The following GRIK4 variants were observed in gnomAD, a reference collection of about 807,000 sequenced individuals.
GRIK4 encodes glutamate ionotropic receptor kainate type subunit 4.
A neutral mutation model predicts 104.9 loss-of-function variants in GRIK4; 40 were observed. The ratio of observed to expected loss-of-function variants is 0.38; its 90% confidence interval spans 0.30 to 0.50. GRIK4 has a LOEUF of 0.50. Among genes scored for constraint, GRIK4 ranks in the 20% least tolerant of loss-of-function variants. The probability of loss-of-function intolerance (pLI) is 0.93; values close to 1 mark genes in which losing one functional copy is unlikely to be tolerated. For missense variants in GRIK4, 1,047 were observed against 1,308.1 expected, an observed-to-expected ratio of 0.80 and a Z score of 3.08; for synonymous variants, 485 against 524.9, an observed-to-expected ratio of 0.92 and a Z score of 1.04.
chr11:120,880,859 C>A (rs1194177363), intron 11 of GRIK4, among the ~76,000 whole-genome samples: 1 of 152,076 alleles, frequency 6.6e-6, no homozygotes, highest in Non-Finnish European at 1.5e-5. Flanking sequence ...TCTTTCATGC[C>A]TGAATTTAGC....
At chr11:120,890,754 GGTT>G (rs1339618736) in intron 11 of GRIK4, among the ~76,000 whole-genome samples, 3 of 152,282 alleles carry the variant, frequency 2.0e-5, no homozygotes, top group African/African-American at 7.2e-5. Context: ...ATAATAACAA[GGTT>G]GTTGTGCAGA....
chr11:120,648,973 C>T (rs1440035752), intron 1 of GRIK4, among the ~76,000 whole-genome samples: 2 of 152,244 alleles, frequency 1.3e-5, no homozygotes, highest in Non-Finnish European at 2.9e-5. Context: ...CCAGTTTCTC[C>T]TCCCTTGGCC....
chr11:120,900,900 G>A (rs914559844), intron 12 of GRIK4, among the ~76,000 whole-genome samples: 2 of 152,182 alleles, frequency 1.3e-5, no homozygotes, highest in African/African-American at 2.4e-5. Context: ...GCTGGGAACA[G>A]CCTGGCTGAG....
At chr11:120,636,883 G>A (rs1639502583) in intron 1 of GRIK4, among the ~76,000 whole-genome samples, 1 of 151,986 alleles carries the variant, frequency 6.6e-6, no homozygotes, top group African/African-American at 2.4e-5. Context: ...TCTGGGCTCT[G>A]GCCTCCACCT....
At chr11:120,678,656 C>T (rs1010919668) in intron 3 of GRIK4, among the ~76,000 whole-genome samples, 15 of 151,014 alleles carry the variant, frequency 9.9e-5, no homozygotes, top group Non-Finnish European at 4.4e-5. Flanking sequence ...GTTTTTGAGA[C>T]GGAGTCTTGC....
intron 3 of GRIK4, among the ~76,000 whole-genome samples, chr11:120,760,781 T>A (rs1448224211): frequency 6.6e-6 from 1 of 152,184 alleles, no homozygotes; most frequent in Non-Finnish European, 1.5e-5. Flanking sequence ...GAACTCATTC[T>A]TTTTTTATGG....
intron 16 of GRIK4, among the ~76,000 whole-genome samples, chr11:120,957,591 A>ATGTGTGTGTGTGTGTGTG (rs72064502): frequency 0.029 from 3,955 of 136,394 alleles, 158 homozygotes; most frequent in African/African-American, 0.072. Flanking sequence ...GACAAAACAA[A>ATGTGTGTGTGTGTGTGTG]TGTGTGTGTG....
rs937736482 is a variant in GRIK4, at chr11:120,555,823, C to T, written c.-159+43936C>T. Among the ~76,000 whole-genome samples, 1 of 152,184 alleles carries T rather than the reference C, an allele frequency of 6.6e-6. No individual in the cohort carries two copies. Among genetic ancestry groups the T allele is most frequent in the Non-Finnish European group, 1.5e-5 (1 of 68,036 alleles). On this transcript the variant is annotated intron_variant, in intron 1 of 20. Transcript: ENST00000527524. This position sits in a 1 kb window ranked among gnomAD's most constrained non-coding sequence, Gnocchi z 5.3. Reference sequence around the variant, plus strand: ...CCGTCATTATTGATGTCCCTGCCACCAAGAATCATGGCCATGCTGGGGCCA... The same window carrying T: ...CCGTCATTATTGATGTCCCTGCCACTAAGAATCATGGCCATGCTGGGGCCA...
rs760148285 is a variant in GRIK4 at position 120,862,122 on chromosome 11, T to C, written c.906+2T>C. 6 of 1,613,058 alleles carry C rather than the reference T, an allele frequency of 3.7e-6. No homozygotes were observed. Among genetic ancestry groups the C allele is most frequent in the Non-Finnish European group, 5.1e-6 (6 of 1,179,720 alleles). On this transcript the variant is annotated splice_donor_variant, in intron 9 of 20. Coordinates refer to ENST00000527524, the MANE Select transcript of GRIK4 (RefSeq NM_014619.5). LOFTEE classifies it high-confidence loss of function. ...CATGTGCCCTTCACTGGGCCTGCGGTAAGTACCCGCCAGAGCTCTTCCTGG... is the reference window on the plus strand; with the variant it reads ...CATGTGCCCTTCACTGGGCCTGCGGCAAGTACCCGCCAGAGCTCTTCCTGG...
At chr11:120,543,038 T>G (rs996309771) in intron 1 of GRIK4, among the ~76,000 whole-genome samples, 9 of 152,214 alleles carry the variant, frequency 5.9e-5, no homozygotes, top group African/African-American at 2.2e-4. Flanking sequence ...CACAGCTGGC[T>G]GAAAGCCTCA....
intron 9 of GRIK4, chr11:120,873,655 T>C (rs1954674411): frequency 5.9e-6 from 1 of 170,738 alleles, no homozygotes; most frequent in Non-Finnish European, 1.3e-5. Flanking sequence ...AACTGAGCCT[T>C]ATAGAATGGG....
intron 3 of GRIK4, among the ~76,000 whole-genome samples, chr11:120,800,788 C>G (rs2135509494): frequency 6.6e-6 from 1 of 152,332 alleles, no homozygotes; most frequent in Non-Finnish European, 1.5e-5. Flanking sequence ...GAGCAATGCA[C>G]AGAAAAGACA....
chr11:120,814,850 T>TCCCTTTTTCTTG (rs1387437560), intron 4 of GRIK4, among the ~76,000 whole-genome samples: 12 of 152,198 alleles, frequency 7.9e-5, no homozygotes, highest in Admixed American at 7.9e-4. Flanking sequence ...CCATTTTCTT[T>TCCCTTTTTCTTG]CCCTTTTTCT....
In GRIK4 at chr11:120,620,074, A is replaced by T. The variant is rs910143697; in HGVS notation, c.-158-33611A>T. ...TACTTTTGATAGCACATGTGAAGGT[A>T]CCTCTCTAAAACTGGCCTCATTGGT... On this transcript the variant is annotated intron_variant, in intron 1 of 20. Coordinates refer to ENST00000527524, the MANE Select transcript of GRIK4 (RefSeq NM_014619.5). The T allele has an allele frequency of 4.4e-6, 3 of 681,030 alleles. No individual in the cohort carries two copies. The African/African-American group carries it at 5.3e-5, about 12-fold the overall frequency. 42.2% of individuals were successfully genotyped at this position (681,030 alleles called of 1,614,324 possible). A position where few individuals can be genotyped will look rare whatever the true frequency, so the allele number is the denominator to read the frequency against.
intron 3 of GRIK4, among the ~76,000 whole-genome samples, chr11:120,736,278 T>C (rs569212001): frequency 1.3e-5 from 2 of 152,114 alleles, no homozygotes; most frequent in Non-Finnish European, 2.9e-5. Flanking sequence ...CAGAGTCCTA[T>C]CCTACTGTGG....
chr11:120,605,037 T>C (rs1948941323), intron 1 of GRIK4, among the ~76,000 whole-genome samples: 2 of 152,216 alleles, frequency 1.3e-5, no homozygotes, highest in Admixed American at 1.3e-4. Context: ...TAATTTTTAA[T>C]GTTGCCCAGG....
intron 3 of GRIK4, among the ~76,000 whole-genome samples, chr11:120,677,627 A>G (rs377129970): frequency 2.6e-5 from 4 of 152,368 alleles, no homozygotes; most frequent in South Asian, 4.1e-4. Flanking sequence ...ACTCTCAGAC[A>G]TGAAGGAACT....
intron 8 of GRIK4, among the ~76,000 whole-genome samples, chr11:120,837,639 C>T (rs1366302143): frequency 1.3e-5 from 2 of 152,032 alleles, no homozygotes; most frequent in African/African-American, 4.8e-5. Flanking sequence ...CCCCAGAATC[C>T]CCCTCATGCC....
At chr11:120,693,056 T>G (rs1392065894) in intron 3 of GRIK4, among the ~76,000 whole-genome samples, 1 of 151,444 alleles carries the variant, frequency 6.6e-6, no homozygotes, top group Non-Finnish European at 1.5e-5. Context: ...AAGAGGGGTT[T>G]TACGTAAAGA....
Sources: allele counts gnomAD v4.1 joint callset (sites outside exome capture counted in the v4.1 genomes callset), GRCh38; gene constraint gnomAD v4.1.1; non-coding constraint Gnocchi (gnomAD v3.1); transcripts MANE v1.5; gene names NCBI Gene and HGNC (gene_info 2026-07-23, HGNC 2026-07-21).